Variants in COL18A1 observed in about 807,000 individuals in gnomAD.
The protein encoded by COL18A1 is collagen alpha-1(XVIII) chain.
COL18A1 carries 133 observed loss-of-function variants against 168.0 expected under a neutral mutation model. The observed-to-expected ratio is 0.79, with a 90% CI of 0.69 to 0.91. COL18A1 has a LOEUF of 0.91. Among genes scored for constraint, COL18A1 ranks in the 40% least tolerant of loss-of-function variants. COL18A1 has a pLI of 0.00. For synonymous variants in COL18A1, 949 were observed against 809.0 expected (o/e 1.17, Z -2.94); for missense variants, 2,126 against 1,925.4 (o/e 1.10, Z -1.95).
At chr21:45,479,000 A>T (rs1265242496) in intron 9 of COL18A1, among the ~76,000 whole-genome samples, 4 of 152,188 alleles carry the variant, frequency 2.6e-5, no homozygotes, top group African/African-American at 9.7e-5. Context: ...GCTGCCTGCG[A>T]TGAGGACCAC....
chr21:45,436,822 T>C (rs1569286918), intron 2 of COL18A1, among the ~76,000 whole-genome samples: 1 of 124,066 alleles, frequency 8.1e-6, no homozygotes, highest in East Asian at 2.3e-4. Flanking sequence ...ACTGGGGAGC[T>C]GTGGCTGGGG....
At chr21:45,484,078 T>C (rs568583511) in intron 15 of COL18A1, among the ~76,000 whole-genome samples, 1 of 111,184 alleles carries the variant, frequency 9.0e-6, no homozygotes, top group South Asian at 3.0e-4. Flanking sequence ...TTCTCCAGCA[T>C]ATGTACACAC....
intron 2 of COL18A1, among the ~76,000 whole-genome samples, chr21:45,442,227 CG>C (rs1454113503): frequency 3.3e-5 from 5 of 152,182 alleles, no homozygotes; most frequent in African/African-American, 1.2e-4. Context: ...ACAGGGTGCA[CG>C]TGAGGAAACC....
At chr21:45,479,505 C>T (rs1230321042) in intron 9 of COL18A1, among the ~76,000 whole-genome samples, 1 of 152,120 alleles carries the variant, frequency 6.6e-6, no homozygotes, top group Non-Finnish European at 1.5e-5. Context: ...CACATGTGCA[C>T]ACCATGGATT....
chr21:45,477,451 C>A lies in COL18A1; in HGVS notation c.969C>A (p.Asp323Glu). ...LPGSDSVSTW[D>E]GSVRTPGGRV... is the part of the protein sequence containing the mutation. ...GCTCAGATTCTGTCTCCACGTGGGA[C>A]GGGAGTGTCCGGACCCCTGGGGGCC... is the stretch of plus-strand genomic sequence containing the variant. Residue 323 changes from aspartate to glutamate, a missense_variant, in exon 7 of 42, where the codon GAC becomes GAA. Physicochemically the swap from Asp to Glu is conservative, Grantham distance 45. Transcript: ENST00000651438. 6.2e-7 allele frequency: 1 copy of A among 1,612,834 alleles called. No individual in the cohort carries two copies. Among genetic ancestry groups the A allele is most frequent in the Middle Eastern group, 1.7e-4 (1 of 6,046 alleles).
chr21:45,435,633 G>A (rs1460379998), intron 2 of COL18A1, among the ~76,000 whole-genome samples: 1 of 152,150 alleles, frequency 6.6e-6, no homozygotes, highest in African/African-American at 2.4e-5. Flanking sequence ...TGGGGCAGAG[G>A]TGGGGTCAGG....
chr21:45,512,146 GA>G, intron 41 of COL18A1, 41 bp from the exon 42 acceptor site: 1 of 1,585,308 alleles, frequency 6.3e-7, no homozygotes, highest in Non-Finnish European at 8.6e-7. Flanking sequence ...GCCCTAAGCA[GA>G]GCAGGTCTGG....
chr21:45,427,259 A>G (rs1054068371), intron 2 of COL18A1, among the ~76,000 whole-genome samples: 3 of 151,990 alleles, frequency 2.0e-5, no homozygotes, highest in Non-Finnish European at 4.4e-5. Flanking sequence ...TTTAAATCAC[A>G]GTGTCACCTC....
Position 45,495,351 on chromosome 21 carries a change from G to T in COL18A1, c.2434-7G>T. 6.2e-7 allele frequency: 1 copy of T among 1,604,588 alleles called. No homozygotes were observed. Among genetic ancestry groups the T allele is most frequent in the East Asian group, 2.2e-5 (1 of 44,610 alleles). ...CAGCAGTCCCCACCCCCTGTGCTCC[G>T]CCCCAGGGTCGCCCCGGGATGAACG... On this transcript the variant is annotated splice_region_variant and splice_polypyrimidine_tract_variant and intron_variant, in intron 28 of 41. Transcript: ENST00000651438.
At chr21:45,508,174 G>A (rs2037341294) in intron 38 of COL18A1, among the ~76,000 whole-genome samples, 1 of 151,506 alleles carries the variant, frequency 6.6e-6, no homozygotes, top group African/African-American at 2.4e-5. Flanking sequence ...TAGGTAGCTG[G>A]GGAGATGGAT....
In COL18A1 at chr21:45,471,738, G is replaced by C. The variant is rs2035436082; in HGVS notation, c.652-2157G>C. On this transcript the variant is annotated intron_variant, in intron 3 of 41. Transcript: ENST00000651438. The surrounding 1 kb of genome is among the most constrained non-coding windows in gnomAD (Gnocchi z 4.4). ...ATTTCCAGCTGTGTCCTGATTTCCAGCTGTGTCCTGATTTCCAGCTGTGTC... is the reference window on the plus strand; with the variant it reads ...ATTTCCAGCTGTGTCCTGATTTCCACCTGTGTCCTGATTTCCAGCTGTGTC... Among the ~76,000 whole-genome samples, 1 of 152,218 alleles carries C rather than the reference G, an allele frequency of 6.6e-6. No individual in the cohort carries two copies. Among genetic ancestry groups the C allele is most frequent in the African/African-American group, 2.4e-5 (1 of 41,446 alleles).
chr21:45,456,427 G>C, intron 2 of COL18A1: 1 of 1,544,548 alleles, frequency 6.5e-7, no homozygotes, highest in Non-Finnish European at 8.8e-7. Context: ...CTTTAACCAG[G>C]GACAGCGGTG....
In COL18A1 at chr21:45,457,593, G is replaced by T. The variant is rs912704084; in HGVS notation, c.107-10649G>T. Among the ~76,000 whole-genome samples, 2 of 152,180 alleles carry T rather than the reference G, an allele frequency of 1.3e-5. No individual in the cohort carries two copies. The highest frequency in any genetic ancestry group is 2.9e-5 in the Non-Finnish European group (2 of 68,006). ...AAGGGGGACTCTTTAACCTCCTGGG[G>T]GCAGGGGCAGCCCAGAAAGGACCCC... On this transcript the variant is annotated intron_variant, in intron 2 of 41. Transcript: ENST00000651438. This position sits in a 1 kb window ranked among gnomAD's most constrained non-coding sequence, Gnocchi z 4.6.
At position 45,505,940 on chromosome 21, in the gene COL18A1, G is replaced by T; in HGVS notation, c.3190G>T (p.Val1064Leu). 1.2e-6 allele frequency: 2 copies of T among 1,613,250 alleles called. No individual in the cohort carries two copies. The highest frequency in any genetic ancestry group is 1.7e-6 in the Non-Finnish European group (2 of 1,179,972). The change falls in exon 37 of 42, where the codon GTG becomes TTG. Residue 1064 changes from valine (V) to leucine (L), a missense_variant. Val to Leu is a conservative substitution (Grantham distance 32). Coordinates refer to ENST00000651438, the MANE Select transcript of COL18A1 (RefSeq NM_001379500.1). The stretch of plus-strand genomic sequence containing the variant: ...CGAGCAGGAGGAGCTCTACGTCCGC[G>T]TGCAGAACGGGTTCCGGAAGGTCCA... ...VAEQEELYVR[V>L]QNGFRKVQLE... is the part of the protein sequence containing the mutation.
chr21:45,446,120 A>G (rs1329776599), intron 2 of COL18A1, among the ~76,000 whole-genome samples: 1 of 152,242 alleles, frequency 6.6e-6, no homozygotes, highest in Non-Finnish European at 1.5e-5. Context: ...GGTGTGAAGT[A>G]GGGATCCAGC....
At chr21:45,494,611 A>G (rs375829738) in intron 27 of COL18A1, 40 bp downstream of exon 27, 2 of 1,612,426 alleles carry the variant, frequency 1.2e-6, no homozygotes, top group Non-Finnish European at 1.7e-6. Flanking sequence ...GAGCTCGGGC[A>G]TGACGGCCCC....
In COL18A1 at chr21:45,512,651, C is replaced by A. The variant is rs1455974245; in HGVS notation, c.*253C>A. 1.8e-6 allele frequency: 1 copy of A among 563,324 alleles called. No homozygotes were observed. The highest frequency in any genetic ancestry group is 1.9e-5 in the African/African-American group (1 of 53,012). The allele number at this position is 563,324 out of a possible 1,614,324, so 34.9% of individuals were successfully genotyped here. A position where few individuals can be genotyped will look rare whatever the true frequency, so the allele number is the denominator to read the frequency against. Reference sequence around the variant, plus strand: ...CCCTGACCTGTGAGCCCAGCTGGGTCAGGCAGGGTGCAGTATCATGCCCTG... The same window carrying A: ...CCCTGACCTGTGAGCCCAGCTGGGTAAGGCAGGGTGCAGTATCATGCCCTG... On this transcript the variant is annotated 3_prime_UTR_variant, in exon 42 of 42. Transcript: ENST00000651438.
intron 2 of COL18A1, among the ~76,000 whole-genome samples, chr21:45,412,323 A>G (rs1213787397): frequency 6.9e-6 from 1 of 145,046 alleles, no homozygotes; most frequent in Non-Finnish European, 1.5e-5. Flanking sequence ...TGCAACCTCC[A>G]TCTTCCGGGC....
At chr21:45,415,204 C>T (rs1301215430) in intron 2 of COL18A1, among the ~76,000 whole-genome samples, 1 of 152,170 alleles carries the variant, frequency 6.6e-6, no homozygotes, top group East Asian at 1.9e-4. Flanking sequence ...CTGCGAAGGG[C>T]CACTCTGTGG....
Sources: gnomAD v4.1 joint callset for allele counts (sites outside exome capture counted in the v4.1 genomes callset) on GRCh38, gnomAD v4.1.1 for gene constraint, Gnocchi (gnomAD v3.1) non-coding constraint, MANE v1.5 for transcripts, NCBI Gene and HGNC (gene_info 2026-07-23, HGNC 2026-07-21) for gene names.